Variants in ZCWPW2 observed in about 807,000 individuals in gnomAD.
The protein encoded by ZCWPW2 is zinc finger CW-type PWWP domain protein 2.
Under a neutral mutation model 46.6 loss-of-function variants are expected in ZCWPW2, and 45 were observed. The ratio of observed to expected loss-of-function variants is 0.96; its 90% CI spans 0.76 to 1.24. ZCWPW2 has a LOEUF of 1.24. Among genes scored for constraint, ZCWPW2 ranks in the 50% most tolerant of loss-of-function variants. The probability of loss-of-function intolerance (pLI) is 0.00; values close to 1 mark genes in which losing one functional copy is unlikely to be tolerated. For synonymous variants in ZCWPW2, 152 were observed against 137.1 expected (o/e 1.11, Z -0.76); for missense variants, 429 against 403.9 (o/e 1.06, Z -0.53).
chr3:28,391,996 A>G (rs997000019), intron 2 of ZCWPW2, among the ~76,000 whole-genome samples: 1 of 152,234 alleles, frequency 6.6e-6, no homozygotes, highest in Admixed American at 6.5e-5. Context: ...ATTACATTGA[A>G]TGTCAGTGGA....
In ZCWPW2 at chr3:28,492,108, A is replaced by G. The variant is rs767380319; in HGVS notation, c.611-19A>G. ...ACATAGGCACTTTTTTGAAGCAGCC[A>G]TGTTTCATTGTCTTACAGATAAATC... On this transcript the variant is annotated intron_variant, in intron 5 of 9. Coordinates refer to ENST00000383768, the MANE Select transcript of ZCWPW2 (RefSeq NM_001040432.4). The G allele has an allele frequency of 2.5e-6, 4 of 1,608,160 alleles. No homozygotes were observed. Among genetic ancestry groups the G allele is most frequent in the African/African-American group, 1.3e-5 (1 of 74,804 alleles).
At chr3:28,399,196 T>C (rs984863729) in intron 2 of ZCWPW2, among the ~76,000 whole-genome samples, 2 of 152,020 alleles carry the variant, frequency 1.3e-5, no homozygotes, top group Admixed American at 1.3e-4. Context: ...TGCATGACAG[T>C]GTAGACAGCC....
In ZCWPW2 at chr3:28,489,666, GCGCACACACACACA is replaced by G. The variant is rs1375942348; in HGVS notation, c.611-2459_611-2446del. Among the ~76,000 whole-genome samples the G allele has an allele frequency of 6.6e-3, 972 of 147,518 alleles. 20 individuals are homozygous for G. The highest frequency in any genetic ancestry group is 0.023 in the African/African-American group (896 of 39,464). On this transcript the variant is annotated intron_variant, in intron 5 of 9. Coordinates refer to ENST00000383768, the MANE Select transcript of ZCWPW2 (RefSeq NM_001040432.4). ...TTCTCTCTCTTTCACACACACACGC[GCGCACACACACACA>G]CACACACACACACACACACACACAC... is the stretch of plus-strand genomic sequence containing the variant.
At chr3:28,366,887 C>A (rs1046116898) in intron 1 of ZCWPW2, among the ~76,000 whole-genome samples, 8 of 152,192 alleles carry the variant, frequency 5.3e-5, no homozygotes, top group South Asian at 4.1e-4. Context: ...TGTATGTGTC[C>A]AGGAATTTAT....
At chr3:28,424,229 AC>A (rs1696913126) in intron 3 of ZCWPW2, among the ~76,000 whole-genome samples, 2 of 23,596 alleles carry the variant, frequency 8.5e-5, no homozygotes, top group Admixed American at 5.7e-4. Flanking sequence ...TCTTATTCCA[AC>A]ACACACACAC....
At chr3:28,515,371 CAGTATT>C (rs1421178629) in intron 7 of ZCWPW2, among the ~76,000 whole-genome samples, 177 bp from the exon 8 acceptor site, 3 of 152,090 alleles carry the variant, frequency 2.0e-5, no homozygotes, top group African/African-American at 4.8e-5. Context: ...GAGCTCAAAT[CAGTATT>C]AGTCTTTTTT....
chr3:28,464,927 G>A (rs888429526), intron 4 of ZCWPW2, among the ~76,000 whole-genome samples: 1 of 152,208 alleles, frequency 6.6e-6, no homozygotes, highest in Non-Finnish European at 1.5e-5. Context: ...GAAAAAGTTT[G>A]AATGGCAGTT....
At chr3:28,350,682 C>T (rs1188894671) in intron 1 of ZCWPW2, among the ~76,000 whole-genome samples, 1 of 149,074 alleles carries the variant, frequency 6.7e-6, no homozygotes, top group African/African-American at 2.6e-5. Flanking sequence ...CTTCAATTAA[C>T]TTTCTCAAAT....
intron 6 of ZCWPW2, among the ~76,000 whole-genome samples, chr3:28,509,271 T>C (rs1700362451): frequency 1.3e-5 from 2 of 152,202 alleles, no homozygotes; most frequent in Admixed American, 1.3e-4. Flanking sequence ...CTATTATAAA[T>C]AATGCCATTA....
intron 4 of ZCWPW2, among the ~76,000 whole-genome samples, chr3:28,465,233 A>G (rs1327690099): frequency 6.6e-6 from 1 of 152,210 alleles, no homozygotes; most frequent in African/African-American, 2.4e-5. Context: ...CTTAACCATA[A>G]TGGTATTACT....
chr3:28,366,912 T>A (rs1001857878), intron 1 of ZCWPW2, among the ~76,000 whole-genome samples: 2 of 152,222 alleles, frequency 1.3e-5, no homozygotes, highest in Non-Finnish European at 2.9e-5. Flanking sequence ...TTCTTCTAGA[T>A]TTTCTAGTTT....
At chr3:28,499,218 A>C (rs1440571535) in intron 6 of ZCWPW2, among the ~76,000 whole-genome samples, 1 of 152,130 alleles carries the variant, frequency 6.6e-6, no homozygotes, top group African/African-American at 2.4e-5. Context: ...TTGCGGAATC[A>C]CCACACTGTC....
chr3:28,519,018 C>T (rs1700652223), intron 8 of ZCWPW2, among the ~76,000 whole-genome samples: 1 of 152,150 alleles, frequency 6.6e-6, no homozygotes, highest in Non-Finnish European at 1.5e-5. Flanking sequence ...TAAATAAACT[C>T]CCCAGGTGAT....
chr3:28,372,849 G>C lies in ZCWPW2; in HGVS notation c.-133-17649G>C, dbSNP rs150156845. Among the ~76,000 whole-genome samples the C allele has an allele frequency of 2.5e-3, 386 of 152,240 alleles. 1 individual carries two copies. The highest frequency in any genetic ancestry group is 8.4e-3 in the African/African-American group (350 of 41,540). On this transcript the variant is annotated intron_variant, in intron 1 of 9. Coordinates refer to ENST00000383768, the MANE Select transcript of ZCWPW2 (RefSeq NM_001040432.4). ...CTCCATGTGTACCCATTGTTTAGCT[G>C]TCACTTACAAGCGAGAACTTGTGGT... is the stretch of plus-strand genomic sequence containing the variant.
intron 1 of ZCWPW2, among the ~76,000 whole-genome samples, chr3:28,378,133 T>A (rs913332932): frequency 6.6e-6 from 1 of 152,074 alleles, no homozygotes; most frequent in Non-Finnish European, 1.5e-5. Flanking sequence ...CAGTTTTGCA[T>A]AGATACAGGC....
chr3:28,401,836 A>G (rs1695951787), intron 2 of ZCWPW2, among the ~76,000 whole-genome samples: 1 of 152,100 alleles, frequency 6.6e-6, no homozygotes, highest in Non-Finnish European at 1.5e-5. Flanking sequence ...TGGTTCAAAA[A>G]TGAAATCAAG....
intron 1 of ZCWPW2, among the ~76,000 whole-genome samples, chr3:28,378,188 G>C (rs1705562693): frequency 6.6e-6 from 1 of 151,812 alleles, no homozygotes; most frequent in Non-Finnish European, 1.5e-5. Context: ...GGTTGACATA[G>C]GAGCGTAAAT....
At chr3:28,394,275 T>C (rs1695608602) in intron 2 of ZCWPW2, among the ~76,000 whole-genome samples, 1 of 151,906 alleles carries the variant, frequency 6.6e-6, no homozygotes, top group Admixed American at 6.6e-5. Context: ...AATTGAAAAA[T>C]AAACAAATGG....
At chr3:28,411,467 G>GA (rs889815270) in intron 2 of ZCWPW2, among the ~76,000 whole-genome samples, 18 of 144,442 alleles carry the variant, frequency 1.2e-4, no homozygotes, top group South Asian at 6.6e-4. Context: ...TTTAAAATTA[G>GA]AAAAAAAAAA....
Sources: gnomAD v4.1 joint callset for allele counts (sites outside exome capture counted in the v4.1 genomes callset) on GRCh38, gnomAD v4.1.1 for gene constraint, MANE v1.5 for transcripts, NCBI Gene and HGNC (gene_info 2026-07-23, HGNC 2026-07-21) for gene names.